The following RNF128 variants were observed in gnomAD, a reference collection of about 807,000 sequenced individuals.
RNF128 encodes the protein E3 ubiquitin-protein ligase RNF128.
RNF128 carries 13 observed loss-of-function variants against 26.2 expected under a neutral mutation model. The ratio of observed to expected loss-of-function variants is 0.50; its 90% CI spans 0.32 to 0.79. The LOEUF (loss-of-function observed/expected upper bound fraction) is 0.79. RNF128 is among the 30% of genes least tolerant of loss of function. The pLI is 0.03. For synonymous variants in RNF128, 149 were observed against 142.5 expected (o/e 1.05, Z -0.32); for missense variants, 315 against 349.7 (o/e 0.90, Z 0.79).
intron 1 of RNF128, among the ~76,000 whole-genome samples, chrX:106,742,165 T>G (rs1409645495): frequency 2.7e-5 from 3 of 111,374 alleles, no homozygotes; most frequent in African/African-American, 9.8e-5. Flanking sequence ...AGGAAAGGAA[T>G]GGGACTATTT....
intron 2 of RNF128, among the ~76,000 whole-genome samples, chrX:106,778,555 G>C (rs1930509796): frequency 8.9e-6 from 1 of 111,815 alleles, no homozygotes; most frequent in African/African-American, 3.3e-5. Context: ...TGTTGTACCA[G>C]CCTGTCAGAG....
At chrX:106,727,442 GC>G (rs771188190) in intron 1 of RNF128, 45 bp downstream of exon 1, 16 of 1,189,581 alleles carry the variant, frequency 1.3e-5, no homozygotes, top group Non-Finnish European at 1.7e-5. Flanking sequence ...CTCTGCCATG[GC>G]CAGTTTCTCT....
At chrX:106,703,806 A>C (rs183764069) in intron 1 of RNF128, among the ~76,000 whole-genome samples, 1 of 110,772 alleles carries the variant, frequency 9.0e-6, no homozygotes, top group East Asian at 2.9e-4. Flanking sequence ...AGAGAGTTAT[A>C]GGATAACCAG....
chrX:106,732,848 A>ATAAT (rs1556319365), intron 1 of RNF128, among the ~76,000 whole-genome samples: 1 of 111,764 alleles, frequency 8.9e-6, no homozygotes, highest in Non-Finnish European at 1.9e-5. Flanking sequence ...CACCAGCATT[A>ATAAT]TATTTATGTC....
chrX:106,782,520 T>A (rs367774801), intron 2 of RNF128, among the ~76,000 whole-genome samples: 2 of 111,519 alleles, frequency 1.8e-5, no homozygotes, highest in East Asian at 2.8e-4. Flanking sequence ...TGTAATGGAC[T>A]CTTGGAATAT....
intron 1 of RNF128, among the ~76,000 whole-genome samples, chrX:106,748,735 A>G (rs1157076835): frequency 1.8e-5 from 2 of 111,405 alleles, no homozygotes; most frequent in East Asian, 2.8e-4. Context: ...ATGAAGATAG[A>G]GAGTAGATTG....
At chrX:106,770,481 GCTT>G (rs1930350856) in intron 1 of RNF128, among the ~76,000 whole-genome samples, 1 of 110,063 alleles carries the variant, frequency 9.1e-6, no homozygotes, top group African/African-American at 3.3e-5. Flanking sequence ...TTCTCTTCTT[GCTT>G]CATTTCATTC....
At chrX:106,727,728 G>A (rs1196585933) in intron 1 of RNF128, among the ~76,000 whole-genome samples, 1 of 111,320 alleles carries the variant, frequency 9.0e-6, no homozygotes. Context: ...GGTGGGCATC[G>A]GGTCTTAAAT....
chrX:106,724,751 T>A (rs762764321), upstream of RNF128, among the ~76,000 whole-genome samples: 1 of 112,090 alleles, frequency 8.9e-6, no homozygotes, highest in Non-Finnish European at 1.9e-5. Flanking sequence ...TTCTCTGTTA[T>A]CCACTACTAC....
intron 1 of RNF128, among the ~76,000 whole-genome samples, chrX:106,732,837 A>G (rs1254390026): frequency 8.9e-6 from 1 of 111,778 alleles, no homozygotes; most frequent in Non-Finnish European, 1.9e-5. Context: ...TTTAAAAACT[A>G]CACCAGCATT....
chrX:106,755,634 C>T (rs746849333), intron 1 of RNF128, among the ~76,000 whole-genome samples: 4 of 111,480 alleles, frequency 3.6e-5, no homozygotes, highest in Non-Finnish European at 5.7e-5. Flanking sequence ...GTCCTACATC[C>T]TATCAACACA....
intron 1 of RNF128, among the ~76,000 whole-genome samples, chrX:106,717,624 G>A (rs769973935): frequency 8.9e-6 from 1 of 112,225 alleles, no homozygotes; most frequent in South Asian, 3.7e-4. Context: ...CTAATGAATA[G>A]AGCAGATGAA....
At chrX:106,791,599 G>A (rs1395719494) in intron 6 of RNF128, among the ~76,000 whole-genome samples, 5 of 111,025 alleles carry the variant, frequency 4.5e-5, no homozygotes, top group African/African-American at 1.6e-4. Context: ...AAGGAGTTCT[G>A]AAATGATAAA....
intron 1 of RNF128, among the ~76,000 whole-genome samples, chrX:106,760,806 A>C (rs1163417880): frequency 8.9e-6 from 1 of 111,973 alleles, no homozygotes; most frequent in African/African-American, 3.2e-5. Context: ...AATACTATTC[A>C]GCATTTAAAA....
intron 1 of RNF128, among the ~76,000 whole-genome samples, chrX:106,718,549 T>C (rs1228809451): frequency 9.5e-6 from 1 of 104,848 alleles, no homozygotes; most frequent in Non-Finnish European, 2.0e-5. Flanking sequence ...AATTGGAAGA[T>C]TGTCAGCTAA....
At chrX:106,781,447 T>C (rs1930563414) in intron 2 of RNF128, among the ~76,000 whole-genome samples, 1 of 111,580 alleles carries the variant, frequency 9.0e-6, no homozygotes, top group Admixed American at 9.6e-5. Context: ...AAACACGTGT[T>C]GAATATAATC....
intron 1 of RNF128, among the ~76,000 whole-genome samples, chrX:106,764,155 C>T (rs1443665387): frequency 2.8e-5 from 3 of 106,279 alleles, no homozygotes; most frequent in African/African-American, 1.0e-4. Flanking sequence ...TTAGAAGAGA[C>T]GGGGTTTCAC....
At chrX:106,736,636 C>A (rs1929602870) in intron 1 of RNF128, among the ~76,000 whole-genome samples, 2 of 111,618 alleles carry the variant, frequency 1.8e-5, no homozygotes, top group Admixed American at 9.5e-5. Flanking sequence ...ACCATGTAAT[C>A]CTCCTGATTA....
chrX:106,787,528 G>A (rs1245816833), intron 3 of RNF128, among the ~76,000 whole-genome samples: 1 of 110,876 alleles, frequency 9.0e-6, no homozygotes, highest in Non-Finnish European at 1.9e-5. Flanking sequence ...ATTAAGTGAC[G>A]ACATATTTTT....
Sources: allele counts gnomAD v4.1 joint callset (sites outside exome capture counted in the v4.1 genomes callset), GRCh38; gene constraint gnomAD v4.1.1; transcripts MANE v1.5; gene names NCBI Gene and HGNC (gene_info 2026-07-23, HGNC 2026-07-21).